PHF3: variants seen among roughly 807,000 people sequenced by gnomAD.
The protein encoded by PHF3 is PHD finger protein 3.
In PHF3, 41 loss-of-function variants were observed where a neutral mutation model predicts 178.4. The ratio of observed to expected loss-of-function variants is 0.23; its 90% CI spans 0.18 to 0.30. The LOEUF is 0.30. PHF3 is among the 10% of genes least tolerant of loss of function. PHF3 has a pLI of 1.00. For missense variants in PHF3, 2,346 were observed against 2,398.1 expected (o/e 0.98, Z 0.45); for synonymous variants, 842 against 800.5 (o/e 1.05, Z -0.88).
At chr6:63,664,894 T>G (rs1765617509) in intron 2 of PHF3, among the ~76,000 whole-genome samples, 1 of 152,036 alleles carries the variant, frequency 6.6e-6, no homozygotes, top group South Asian at 2.1e-4. Context: ...TAAGTTATAA[T>G]CTTAGTTTTT....
At chr6:63,649,079 CTTATTTATTTAT>C (rs10645572) in intron 2 of PHF3, among the ~76,000 whole-genome samples, 1,794 of 148,608 alleles carry the variant, frequency 0.012, 29 homozygotes, top group African/African-American at 0.042. Context: ...AAAAAGAAAT[CTTATTTATTTAT>C]TTATTTATTT....
At position 63,716,027 on chromosome 6, in the gene PHF3, A is replaced by G. The variant is rs1768179300; in HGVS notation, c.*2319A>G. On this transcript the variant is annotated 3_prime_UTR_variant, in exon 16 of 16. Transcript: ENST00000262043. ...GTGAATGCATACCTCTATTAGGTAA[A>G]AGTACCAGGGCATCTCAGTACCTGT... Among the ~76,000 whole-genome samples, 1 of 152,174 alleles carries G rather than the reference A, an allele frequency of 6.6e-6. No individual in the cohort carries two copies.
In PHF3 at chr6:63,646,787, G is replaced by C; in HGVS notation, c.236G>C (p.Cys79Ser). ...DSNDPNFQMP[C>S]STVVGLDDIM... is the part of the protein sequence containing the mutation. ...AATGATCCCAATTTCCAGATGCCTT[G>C]TTCAACAGGTAATTCTTACTTTTTT... Residue 79 changes from cysteine (C) to serine (S), a missense_variant, in exon 2 of 16, where the codon TGT (cysteine) becomes TCT (serine). Physicochemically the swap from Cys to Ser is moderately radical, Grantham distance 112. Transcript: ENST00000262043. 8.3e-7 allele frequency: 1 copy of C among 1,202,882 alleles called. No individual in the cohort carries two copies. Among genetic ancestry groups the C allele is most frequent in the Non-Finnish European group, 1.1e-6 (1 of 925,780 alleles). 74.5% of individuals were successfully genotyped at this position (1,202,882 alleles called of 1,614,324 possible).
chr6:63,683,807 AC>A (rs1186074463), intron 3 of PHF3, among the ~76,000 whole-genome samples: 1 of 152,090 alleles, frequency 6.6e-6, no homozygotes, highest in African/African-American at 2.4e-5. Context: ...CATTTTACTT[AC>A]GTCACTCCTA....
chr6:63,636,901 T>A (rs1166472651), intron 1 of PHF3: 4 of 152,092 alleles, frequency 2.6e-5, no homozygotes, highest in African/African-American at 9.7e-5. Flanking sequence ...AGGAAGAGAA[T>A]GTTGATATCG....
At chr6:63,683,625 C>T (rs567930053) in intron 3 of PHF3, among the ~76,000 whole-genome samples, 16 of 151,836 alleles carry the variant, frequency 1.1e-4, no homozygotes, top group African/African-American at 2.7e-4. Flanking sequence ...AATTAGAGTC[C>T]GTTTGAGGCT....
At position 63,725,383 on chromosome 6, in the gene PHF3, C is replaced by G. The variant is rs2051109912; in HGVS notation, c.*11675C>G. On this transcript the variant is annotated 3_prime_UTR_variant, in exon 16 of 16. Transcript: ENST00000262043. ...CTGTAGTACAATATTCCCAGCCAGT[C>G]ACAATCCTGAATATACCTTGATTTT... 6.6e-6 allele frequency among the ~76,000 whole-genome samples: 1 copy of G among 152,120 alleles called. No individual in the cohort carries two copies. The highest frequency in any genetic ancestry group is 1.5e-5 in the Non-Finnish European group (1 of 67,982).
At chr6:63,666,420 A>G (rs1288839311) in intron 2 of PHF3, among the ~76,000 whole-genome samples, 1 of 151,802 alleles carries the variant, frequency 6.6e-6, no homozygotes, top group Non-Finnish European at 1.5e-5. Flanking sequence ...AATCTTTAAT[A>G]TATATATATT....
rs1436437558 is a variant in PHF3 at position 63,722,575 on chromosome 6, C to T, written c.*8867C>T. The stretch of plus-strand genomic sequence containing the variant: ...TCTGCAAGCTTGGAAAAAGCATGTT[C>T]TTCACTGTAAGATTGCTTGAAGAGG... On this transcript the variant is annotated 3_prime_UTR_variant, in exon 16 of 16. Coordinates refer to ENST00000262043, the MANE Select transcript of PHF3 (RefSeq NM_001370348.2). Among the ~76,000 whole-genome samples the T allele has an allele frequency of 1.3e-5, 2 of 152,194 alleles. No homozygotes were observed. Among genetic ancestry groups the T allele is most frequent in the African/African-American group, 2.4e-5 (1 of 41,448 alleles).
chr6:63,681,165 T>C (rs1464273630), intron 3 of PHF3, among the ~76,000 whole-genome samples: 2 of 152,064 alleles, frequency 1.3e-5, no homozygotes, highest in African/African-American at 4.8e-5. Flanking sequence ...ACTTCAGGGT[T>C]GTTGAGAAGT....
intron 2 of PHF3, among the ~76,000 whole-genome samples, chr6:63,659,637 A>G (rs145362199): frequency 6.6e-6 from 1 of 152,272 alleles, no homozygotes; most frequent in East Asian, 1.9e-4. Context: ...TAGGACCAGA[A>G]GTGTTTCAGA....
In PHF3 at chr6:63,713,230, C is replaced by A. The variant is rs752280388; in HGVS notation, c.5642C>A (p.Pro1881Gln). 4.6e-5 allele frequency: 75 copies of A among 1,613,858 alleles called. No individual in the cohort carries two copies. Among genetic ancestry groups the A allele is most frequent in the Non-Finnish European group, 6.1e-5 (72 of 1,179,990 alleles). The change falls in exon 16 of 16, where the codon CCG becomes CAG. Residue 1881 changes from proline (P) to glutamine (Q), a missense_variant. Physicochemically the swap from Pro to Gln is moderately conservative, Grantham distance 76. Around this residue, in one of 8 missense-constraint regions of PHF3, gnomAD observed 839 missense variants for 806.9 expected, o/e 1.04. Transcript: ENST00000262043. ...PLSQASRYIG[P>Q]QNFYQVKDIR... ...TCACAAGCATCAAGGTATATAGGCC[C>A]GCAGAATTTTTACCAGGTTAAAGAC...
chr6:63,656,721 T>C (rs990241484), intron 2 of PHF3, among the ~76,000 whole-genome samples: 1 of 152,214 alleles, frequency 6.6e-6, no homozygotes, highest in Non-Finnish European at 1.5e-5. Context: ...ATACCCTCTT[T>C]CTTTGTTGAA....
chr6:63,695,087 G>A (rs879712930), intron 6 of PHF3, among the ~76,000 whole-genome samples: 2 of 152,156 alleles, frequency 1.3e-5, no homozygotes, highest in African/African-American at 2.4e-5. Context: ...GTAATGGGAT[G>A]GATAGTCACA....
rs1286853621 is a variant in PHF3 at position 63,721,228 on chromosome 6, A to G, written c.*7520A>G. On this transcript the variant is annotated 3_prime_UTR_variant, in exon 16 of 16. Transcript: ENST00000262043. ...CAACCCAAAGTACACAGGCAACTGT[A>G]AGAAAATGATTGGTCAGGTATACAT... The G allele has an allele frequency of 1.3e-6, 2 of 1,551,840 alleles. No individual in the cohort carries two copies. The highest frequency in any genetic ancestry group is 1.7e-6 in the Non-Finnish European group (2 of 1,146,962).
intron 2 of PHF3, among the ~76,000 whole-genome samples, chr6:63,670,500 A>G (rs1765869566): frequency 6.6e-6 from 1 of 151,942 alleles, no homozygotes; most frequent in South Asian, 2.1e-4. Flanking sequence ...GTTAGCCAGG[A>G]TGGTCTCGAT....
Position 63,685,322 on chromosome 6 carries a change from G to A in PHF3, c.1600G>A (p.Val534Ile), listed in dbSNP as rs1766639502. Reference protein sequence around the residue: ...NVKSVKRNTDVPESQQNFHRP... With the variant: ...NVKSVKRNTDIPESQQNFHRP... ...CAAAAGTGTGAAACGAAATACTGAT[G>A]TACCAGAATCTCAGCAAAATTTTCA... The change falls in exon 4 of 16, where the codon GTA (valine) becomes ATA (isoleucine). Residue 534 changes from valine to isoleucine, a missense_variant. This residue lies in a region of PHF3 where 843 missense variants were observed against 795.2 expected (regional missense o/e 1.06). Transcript: ENST00000262043. 6.2e-7 allele frequency: 1 copy of A among 1,613,940 alleles called. No homozygotes were observed.
chr6:63,686,939 T>G (rs1005822473), intron 4 of PHF3, among the ~76,000 whole-genome samples: 1 of 152,184 alleles, frequency 6.6e-6, no homozygotes, highest in Non-Finnish European at 1.5e-5. Flanking sequence ...ATGTTGGGGC[T>G]ATTGTGTAAA....
At chr6:63,689,713 TA>T (rs1373350977) in intron 4 of PHF3, among the ~76,000 whole-genome samples, 1 of 152,184 alleles carries the variant, frequency 6.6e-6, no homozygotes, top group East Asian at 1.9e-4. Context: ...AATTGCTTGA[TA>T]AATTTCACGA....
Sources: allele counts gnomAD v4.1 joint callset (sites outside exome capture counted in the v4.1 genomes callset), GRCh38; gene constraint gnomAD v4.1.1; regional missense constraint gnomAD v4.1.1; transcripts MANE v1.5; gene names NCBI Gene and HGNC (gene_info 2026-07-23, HGNC 2026-07-21).